Variants in GALNT10 observed in about 807,000 individuals in gnomAD.
The protein encoded by GALNT10 is polypeptide N-acetylgalactosaminyltransferase 10.
GALNT10 carries 41 observed loss-of-function variants against 75.0 expected under a neutral mutation model. The ratio of observed to expected loss-of-function variants is 0.55; its 90% CI spans 0.43 to 0.71. The LOEUF is 0.71. Among genes scored for constraint, GALNT10 ranks in the 30% least tolerant of loss-of-function variants. GALNT10 has a pLI of 0.00. For missense variants in GALNT10, 727 were observed against 818.5 expected (o/e 0.89, Z 1.36); for synonymous variants, 302 against 313.0 (o/e 0.96, Z 0.37).
intron 1 of GALNT10, among the ~76,000 whole-genome samples, chr5:154,243,229 G>A (rs1469051508): frequency 6.6e-6 from 1 of 152,212 alleles, no homozygotes; most frequent in Admixed American, 6.5e-5. Context: ...CACTGTCATT[G>A]ATGGTATCAC....
At chr5:154,400,086 AGTGATT>A (rs955991173) in intron 7 of GALNT10, among the ~76,000 whole-genome samples, 1 of 152,172 alleles carries the variant, frequency 6.6e-6, no homozygotes, top group African/African-American at 2.4e-5. Flanking sequence ...TTCAGTAAGC[AGTGATT>A]GTGATACTGT....
intron 1 of GALNT10, among the ~76,000 whole-genome samples, chr5:154,214,025 C>G (rs1752826120): frequency 6.6e-6 from 1 of 152,182 alleles, no homozygotes; most frequent in African/African-American, 2.4e-5. Flanking sequence ...CTGTTCAACT[C>G]TAGTGCAAGG....
At chr5:154,338,347 C>A in intron 4 of GALNT10, 1 of 485,940 alleles carries the variant, frequency 2.1e-6, no homozygotes, top group Non-Finnish European at 3.8e-6. Context: ...AAATTTGAGG[C>A]TGAGATTTGA....
intron 1 of GALNT10, among the ~76,000 whole-genome samples, chr5:154,210,420 G>A (rs1316960894): frequency 6.7e-6 from 1 of 149,048 alleles, no homozygotes; most frequent in Non-Finnish European, 1.5e-5. Flanking sequence ...ACACAGTTTT[G>A]CTTGGCTAAT....
At chr5:154,378,317 T>TATCATCATCATC (rs111591729) in intron 5 of GALNT10, among the ~76,000 whole-genome samples, 33,532 of 150,848 alleles carry the variant, frequency 0.22, 4,357 homozygotes, top group African/African-American at 0.37. Context: ...TTTCCTTTTT[T>TATCATCATCATC]ATCATCATCA....
intron 4 of GALNT10, among the ~76,000 whole-genome samples, chr5:154,365,930 T>A (rs1755468250): frequency 3.9e-5 from 6 of 152,152 alleles, no homozygotes; most frequent in Admixed American, 3.3e-4. Flanking sequence ...TGAACTCTAG[T>A]GAAAGGAATT....
Position 154,416,340 on chromosome 5 carries a change from G to A in GALNT10, c.1653+408G>A, listed in dbSNP as rs1170766554. Among the ~76,000 whole-genome samples, 1 of 152,126 alleles carries A rather than the reference G, an allele frequency of 6.6e-6. No homozygotes were observed. Among genetic ancestry groups the A allele is most frequent in the Non-Finnish European group, 1.5e-5 (1 of 68,032 alleles). ...CCCAGCTACTCGGGAGGCCGAGGCA[G>A]GAGAAGCACTTGAACCTGAGAGGCA... On this transcript the variant is annotated intron_variant, in intron 11 of 11. Transcript: ENST00000297107. This position sits in a 1 kb window ranked among gnomAD's most constrained non-coding sequence, Gnocchi z 4.5.
chr5:154,305,670 T>C (rs943059313), intron 3 of GALNT10, among the ~76,000 whole-genome samples: 5 of 152,204 alleles, frequency 3.3e-5, no homozygotes, highest in African/African-American at 1.2e-4. Flanking sequence ...CAATCCTAAA[T>C]GTTTATGTAC....
At position 154,376,023 on chromosome 5, in the gene GALNT10, C is replaced by T. The variant is rs935656708; in HGVS notation, c.569-254C>T. ...CAGGCATAAACCACAAATGTTCACA[C>T]CCTTGGACAGAAGATCTCTCTCTGT... On this transcript the variant is annotated intron_variant, in intron 4 of 11. Transcript: ENST00000297107. This position sits in a 1 kb window ranked among gnomAD's most constrained non-coding sequence, Gnocchi z 4.1. Among the ~76,000 whole-genome samples the T allele has an allele frequency of 4.6e-5, 7 of 152,208 alleles. No individual in the cohort carries two copies. Among genetic ancestry groups the T allele is most frequent in the African/African-American group, 1.4e-4 (6 of 41,448 alleles).
chr5:154,225,912 T>C (rs1753056165), intron 1 of GALNT10, among the ~76,000 whole-genome samples: 1 of 144,736 alleles, frequency 6.9e-6, no homozygotes. Flanking sequence ...TTGTTTTCAC[T>C]CATAGGTGGG....
At chr5:154,263,827 A>G (rs191153983) in intron 1 of GALNT10, among the ~76,000 whole-genome samples, 5 of 152,292 alleles carry the variant, frequency 3.3e-5, no homozygotes, top group Admixed American at 1.3e-4. Flanking sequence ...TTGAATTTCA[A>G]CATATGAATT....
intron 1 of GALNT10, among the ~76,000 whole-genome samples, chr5:154,227,746 G>GT (rs371260942): frequency 4.6e-4 from 67 of 144,706 alleles, no homozygotes; most frequent in East Asian, 1.0e-3. Context: ...AAGTCCCAAG[G>GT]TTTTTTTTTT....
chr5:154,288,170 G>A (rs535093721), intron 1 of GALNT10, among the ~76,000 whole-genome samples: 12 of 152,300 alleles, frequency 7.9e-5, no homozygotes, highest in Admixed American at 6.5e-4. Context: ...GACCTGCTCA[G>A]CTTTCCTTCC....
chr5:154,246,103 C>G (rs898108519), intron 1 of GALNT10, among the ~76,000 whole-genome samples: 2 of 151,424 alleles, frequency 1.3e-5, no homozygotes, highest in South Asian at 4.2e-4. Context: ...ATGATGGTTT[C>G]CAGTTTCATC....
At chr5:154,373,340 C>T (rs1755603365) in intron 4 of GALNT10, among the ~76,000 whole-genome samples, 1 of 152,220 alleles carries the variant, frequency 6.6e-6, no homozygotes, top group Non-Finnish European at 1.5e-5. Flanking sequence ...TCTCCCTGCT[C>T]TTCTCTGGGT....
At chr5:154,345,276 T>C (rs1755104287) in intron 4 of GALNT10, among the ~76,000 whole-genome samples, 1 of 152,142 alleles carries the variant, frequency 6.6e-6, no homozygotes, top group African/African-American at 2.4e-5. Context: ...AATGTGTTCA[T>C]CACCTCCCAT....
chr5:154,413,030 G>A (rs1215988113), intron 10 of GALNT10, 25 bp downstream of exon 10: 1 of 1,438,786 alleles, frequency 7.0e-7, no homozygotes, highest in Non-Finnish European at 9.8e-7. Flanking sequence ...TCAGGGACTG[G>A]CAGCCAGGTT....
chr5:154,216,536 T>C (rs917844277), intron 1 of GALNT10, among the ~76,000 whole-genome samples: 4 of 152,228 alleles, frequency 2.6e-5, no homozygotes, highest in African/African-American at 9.6e-5. Flanking sequence ...TTCAGATTAT[T>C]TGTGTTCATC....
intron 3 of GALNT10, among the ~76,000 whole-genome samples, chr5:154,327,497 T>C (rs1229757380): frequency 1.3e-5 from 2 of 152,228 alleles, no homozygotes; most frequent in Non-Finnish European, 2.9e-5. Flanking sequence ...GGAACCAACC[T>C]GAGAAGACTC....
Sources: gnomAD v4.1 joint callset for allele counts (sites outside exome capture counted in the v4.1 genomes callset) on GRCh38, gnomAD v4.1.1 for gene constraint, Gnocchi (gnomAD v3.1) non-coding constraint, MANE v1.5 for transcripts, NCBI Gene and HGNC (gene_info 2026-07-23, HGNC 2026-07-21) for gene names.